The following ACOT7 variants were observed in gnomAD, a reference collection of about 807,000 sequenced individuals.
The protein encoded by ACOT7 is cytosolic acyl coenzyme A thioester hydrolase.
Under a neutral mutation model 40.2 loss-of-function variants are expected in ACOT7, and 12 were observed. That is an observed-to-expected ratio of 0.30 (90% confidence interval 0.19 to 0.48). The LOEUF (loss-of-function observed/expected upper bound fraction) is 0.48, where lower values mean the gene tolerates loss of function less well. Among genes scored for constraint, ACOT7 ranks in the 20% least tolerant of loss-of-function variants. The pLI is 0.99. For missense variants in ACOT7, 395 were observed against 530.8 expected (o/e 0.74, Z 2.51); for synonymous variants, 228 against 219.5 (o/e 1.04, Z -0.34).
chr1:6,329,696 C>T (rs899789260), intron 4 of ACOT7, among the ~76,000 whole-genome samples: 1 of 152,150 alleles, frequency 6.6e-6, no homozygotes, highest in Non-Finnish European at 1.5e-5. Context: ...TGGCACCTAA[C>T]TCTCACCCCC....
chr1:6,286,687 A>T (rs1461365082), intron 7 of ACOT7, among the ~76,000 whole-genome samples: 1 of 152,328 alleles, frequency 6.6e-6, no homozygotes, highest in African/African-American at 2.4e-5. Context: ...CGACCCACTC[A>T]CAGTGGCTCT....
In ACOT7 at chr1:6,366,315, G is replaced by T. The variant is rs142476116; in HGVS notation, c.144-16449C>A. On this transcript the variant is annotated intron_variant, in intron 1 of 8. Transcript: ENST00000361521. ...ATATTTCTCTGGGCCAGGCACGGTG[G>T]CTCATGTCTGTAATCCCAGCACTTT... Among the ~76,000 whole-genome samples, 260 of 152,212 alleles carry T rather than the reference G, an allele frequency of 1.7e-3. 1 individual carries two copies. The highest frequency in any genetic ancestry group is 6.2e-3 in the African/African-American group (256 of 41,546).
intron 1 of ACOT7, among the ~76,000 whole-genome samples, chr1:6,356,976 C>T (rs1463585321): frequency 6.6e-6 from 1 of 150,776 alleles, no homozygotes; most frequent in African/African-American, 2.4e-5. Flanking sequence ...CAGTGGCTCA[C>T]GCCTGTAATC....
intron 1 of ACOT7, among the ~76,000 whole-genome samples, chr1:6,373,692 C>T (rs1303379924): frequency 1.3e-5 from 2 of 151,896 alleles, no homozygotes; most frequent in East Asian, 3.9e-4. Flanking sequence ...TGGTGAAACC[C>T]CGTCTCTACT....
chr1:6,392,385 G>A (rs780117009), intron 1 of ACOT7, among the ~76,000 whole-genome samples: 2 of 152,200 alleles, frequency 1.3e-5, no homozygotes, highest in Non-Finnish European at 2.9e-5. Context: ...CTTAGCTCAT[G>A]CACAAATGCC....
At position 6,333,576 on chromosome 1, in the gene ACOT7, G is replaced by T. The variant is rs780460540; in HGVS notation, c.419-8C>A. On this transcript the variant is annotated splice_polypyrimidine_tract_variant and splice_region_variant and intron_variant, in intron 3 of 8. Coordinates refer to ENST00000361521, the MANE Select transcript of ACOT7 (RefSeq NM_007274.4). ...TGGTCAGCTTTTTGGCACCTTAAGA[G>T]AAGAAAATCACATTAAGTGACGCCC... is the stretch of plus-strand genomic sequence containing the variant. The T allele has an allele frequency of 1.5e-5, 24 of 1,613,930 alleles. No homozygotes were observed. Among genetic ancestry groups the T allele is most frequent in the African/African-American group, 1.3e-5 (1 of 74,936 alleles).
In ACOT7 at chr1:6,299,060, G is replaced by A. The variant is rs1639891311; in HGVS notation, c.713-4080C>T. Among the ~76,000 whole-genome samples the A allele has an allele frequency of 6.6e-6, 1 of 152,234 alleles. No homozygotes were observed. Among genetic ancestry groups the A allele is most frequent in the Non-Finnish European group, 1.5e-5 (1 of 68,036 alleles). On this transcript the variant is annotated intron_variant, in intron 6 of 8. Transcript: ENST00000361521. The surrounding 1 kb of genome is among the most constrained non-coding windows in gnomAD (Gnocchi z 4.1). The stretch of plus-strand genomic sequence containing the variant: ...TTGAGTCCCTCTGTCCCCGTCTAGA[G>A]TGTGAGAGTCACTGCCATAGCCTGG...
chr1:6,339,045 C>T (rs377534297), intron 3 of ACOT7, among the ~76,000 whole-genome samples: 4 of 152,162 alleles, frequency 2.6e-5, no homozygotes, highest in African/African-American at 4.8e-5. Flanking sequence ...CACCTCCCTA[C>T]GCTTGAGGAG....
At chr1:6,339,300 T>G in intron 3 of ACOT7, 133 bp downstream of exon 3, 12 of 1,243,878 alleles carry the variant, frequency 9.6e-6, no homozygotes, top group Non-Finnish European at 1.4e-5. Flanking sequence ...CCCAGGGCCA[T>G]GGTGGGAGGT....
At position 6,301,764 on chromosome 1, in the gene ACOT7, T is replaced by A. The variant is rs1017591225; in HGVS notation, c.713-6784A>T. ...CACAGATGAGGGCAGGAAAAGCTCATCCGGTCCCAGAAACCCCAAAGCCAG... is the reference window on the plus strand; with the variant it reads ...CACAGATGAGGGCAGGAAAAGCTCAACCGGTCCCAGAAACCCCAAAGCCAG... On this transcript the variant is annotated intron_variant, in intron 6 of 8. Coordinates refer to ENST00000361521, the MANE Select transcript of ACOT7 (RefSeq NM_007274.4). This position sits in a 1 kb window ranked among gnomAD's most constrained non-coding sequence, Gnocchi z 4.1. 6.6e-6 allele frequency among the ~76,000 whole-genome samples: 1 copy of A among 152,252 alleles called. No individual in the cohort carries two copies. Among genetic ancestry groups the A allele is most frequent in the South Asian group, 2.1e-4 (1 of 4,818 alleles).
chr1:6,346,472 GC>G lies in ACOT7; in HGVS notation c.261+3276del, dbSNP rs147020180. Among the ~76,000 whole-genome samples, 1,200 of 152,356 alleles carry G rather than the reference GC, an allele frequency of 7.9e-3. 23 individuals carry two copies. The highest frequency in any genetic ancestry group is 0.026 in the African/African-American group (1,082 of 41,574). Reference sequence around the variant, plus strand: ...AAGGCCCAAGGCAGGAATGCACCCAGCAAGTCCGAGAAGAAGCAGAAAAGCC... The same window carrying G: ...AAGGCCCAAGGCAGGAATGCACCCAGAAGTCCGAGAAGAAGCAGAAAAGCC... On this transcript the variant is annotated intron_variant, in intron 2 of 8. Coordinates refer to ENST00000361521, the MANE Select transcript of ACOT7 (RefSeq NM_007274.4).
At chr1:6,296,133 C>T (rs1045605857) in intron 6 of ACOT7, among the ~76,000 whole-genome samples, 3 of 151,926 alleles carry the variant, frequency 2.0e-5, no homozygotes, top group African/African-American at 4.8e-5. Context: ...TGGACTGAAA[C>T]GATCTGCCCA....
chr1:6,281,516 T>C (rs1477402211), intron 7 of ACOT7, among the ~76,000 whole-genome samples: 1 of 152,232 alleles, frequency 6.6e-6, no homozygotes, highest in South Asian at 2.1e-4. Context: ...CTGAAGGATT[T>C]TGGTGGCCAT....
In ACOT7 at chr1:6,339,449, G is replaced by C. The variant is rs148844416; in HGVS notation, c.402C>G (p.Ser134=). Residue 134 remains serine, a synonymous_variant, in exon 3 of 9, where the codon TCC becomes TCG. Transcript: ENST00000361521. The part of the protein sequence containing the change: ...HSVEVQVNVM[S]ENILTGAKKL... ...CAGAAGTACCTGTGAGGATGTTTTC[G>C]GACATCACGTTGACCTGCACCTCCA... The C allele has an allele frequency of 1.4e-5, 23 of 1,613,202 alleles. No homozygotes were observed. In the South Asian group the frequency reaches 2.2e-4, roughly 15 times the overall value.
At chr1:6,363,883 G>A (rs1239250426) in intron 1 of ACOT7, among the ~76,000 whole-genome samples, 1 of 152,086 alleles carries the variant, frequency 6.6e-6, no homozygotes. Flanking sequence ...CCCCACATGG[G>A]GAGAAAAGCC....
chr1:6,306,529 AC>A lies in ACOT7; in HGVS notation c.713-11550del, dbSNP rs1443342918. 1 of 985,234 alleles carries A rather than the reference AC, an allele frequency of 1.0e-6. No individual in the cohort carries two copies. The highest frequency in any genetic ancestry group is 1.2e-6 in the Non-Finnish European group (1 of 829,906). 61.0% of individuals were successfully genotyped at this position (985,234 alleles called of 1,614,324 possible). A position where few individuals can be genotyped will look rare whatever the true frequency, so the allele number is the denominator to read the frequency against. ...CTCCCCCGCTGAAGCATCAGGATGGACGTGAAGCTGTTCTTCAGAACAGAAG... is the reference window on the plus strand; with the variant it reads ...CTCCCCCGCTGAAGCATCAGGATGGAGTGAAGCTGTTCTTCAGAACAGAAG... On this transcript the variant is annotated intron_variant, in intron 6 of 8. Transcript: ENST00000361521. This position sits in a 1 kb window ranked among gnomAD's most constrained non-coding sequence, Gnocchi z 4.3.
intron 1 of ACOT7, among the ~76,000 whole-genome samples, chr1:6,391,302 T>C (rs543643348): frequency 2.0e-4 from 30 of 151,852 alleles, no homozygotes; most frequent in African/African-American, 7.3e-4. Context: ...GGTCAGGAGT[T>C]CGAGACCAGC....
Position 6,306,683 on chromosome 1 carries a change from C to G in ACOT7, c.713-11703G>C. The G allele has an allele frequency of 5.1e-6, 5 of 985,400 alleles. No individual in the cohort carries two copies. The highest frequency in any genetic ancestry group is 6.0e-6 in the Non-Finnish European group (5 of 829,924). The allele number at this position is 985,400 out of a possible 1,614,324, so 61.0% of individuals were successfully genotyped here. On this transcript the variant is annotated intron_variant, in intron 6 of 8. Coordinates refer to ENST00000361521, the MANE Select transcript of ACOT7 (RefSeq NM_007274.4). The surrounding 1 kb of genome is among the most constrained non-coding windows in gnomAD (Gnocchi z 4.3). ...GCGTCCCAAAGCATTTGTTTGTTCA[C>G]CTCTTGATCCCCCTAGACCAGAAGT... is the stretch of plus-strand genomic sequence containing the variant.
In ACOT7 at chr1:6,274,505, G is replaced by A. The variant is rs1639133382; in HGVS notation, c.1014+6597C>T. 6.6e-6 allele frequency among the ~76,000 whole-genome samples: 1 copy of A among 152,228 alleles called. No homozygotes were observed. Among genetic ancestry groups the A allele is most frequent in the African/African-American group, 2.4e-5 (1 of 41,454 alleles). On this transcript the variant is annotated intron_variant, in intron 8 of 8. Transcript: ENST00000361521. The surrounding 1 kb of genome is among the most constrained non-coding windows in gnomAD (Gnocchi z 5.9). ...ACGCTGTCCTCTCGGCTGGCGCGGG[G>A]CTTACCCGGCCCCTGCACTCATGCA...
Sources: gnomAD v4.1 joint callset for allele counts (sites outside exome capture counted in the v4.1 genomes callset) on GRCh38, gnomAD v4.1.1 for gene constraint, Gnocchi (gnomAD v3.1) non-coding constraint, MANE v1.5 for transcripts, NCBI Gene and HGNC (gene_info 2026-07-23, HGNC 2026-07-21) for gene names.